Variants in ABCB10 observed in about 807,000 individuals in gnomAD.
ABCB10 encodes the protein ATP binding cassette subfamily B member 10, also known as ATP-binding cassette sub-family B member 10, mitochondrial.
In ABCB10, 54 loss-of-function variants were observed where a neutral mutation model predicts 65.4. The observed-to-expected ratio is 0.83, with a 90% CI of 0.66 to 1.04. ABCB10 has a LOEUF of 1.04. Ranked by LOEUF, ABCB10 falls within the 50% of genes least tolerant of loss-of-function variation. ABCB10 has a pLI of 0.00. For synonymous variants in ABCB10, 418 were observed against 406.5 expected (o/e 1.03, Z -0.34); for missense variants, 846 against 976.6 (o/e 0.87, Z 1.78).
chr1:229,520,854 T>A (rs1221316885), intron 11 of ABCB10, among the ~76,000 whole-genome samples: 1 of 152,084 alleles, frequency 6.6e-6, no homozygotes, highest in Non-Finnish European at 1.5e-5. Flanking sequence ...GAAAAGCAAA[T>A]CTAGACAGAC....
chr1:229,527,424 G>T, intron 8 of ABCB10, 116 bp from the exon 9 acceptor site: 1 of 892,410 alleles, frequency 1.1e-6, no homozygotes, highest in Non-Finnish European at 1.8e-6. Context: ...AAAATGTACT[G>T]AAAATCTCCA....
intron 10 of ABCB10, among the ~76,000 whole-genome samples, chr1:229,524,737 G>C (rs1662394069): frequency 6.6e-6 from 1 of 152,096 alleles, no homozygotes; most frequent in African/African-American, 2.4e-5. Context: ...CCTGAACCAT[G>C]GCATGTCTAT....
intron 1 of ABCB10, chr1:229,549,809 A>T: frequency 4.2e-6 from 1 of 237,578 alleles, no homozygotes; most frequent in Non-Finnish European, 8.4e-6. Context: ...TTCATGCTAT[A>T]CATGCTATAC....
Position 229,549,423 on chromosome 1 carries a change from A to G in ABCB10, c.529T>C (p.Phe177Leu), listed in dbSNP as rs1435030530. ...ERRRLAAAVGFLTMSSVISMS... is the reference protein window; with the variant it reads ...ERRRLAAAVGLLTMSSVISMS... ...GAGATAACACTGGACATCGTGAGAA[A>G]TCCAACCGCAGCTAGAAAACACAAG... is the stretch of plus-strand genomic sequence containing the variant. Residue 177 changes from phenylalanine (F) to leucine (L), a missense_variant, in exon 2 of 13, where the codon TTT becomes CTT. Phe to Leu is a conservative substitution (Grantham distance 22, BLOSUM62 0). This residue lies in a region of ABCB10 where 632 missense variants were observed against 803.2 expected (regional missense o/e 0.79). Coordinates refer to ENST00000344517, the MANE Select transcript of ABCB10 (RefSeq NM_012089.3). 1 of 1,613,662 alleles carries G rather than the reference A, an allele frequency of 6.2e-7. No individual in the cohort carries two copies.
At chr1:229,552,926 G>A (rs1466505594) in intron 1 of ABCB10, among the ~76,000 whole-genome samples, 3 of 152,198 alleles carry the variant, frequency 2.0e-5, no homozygotes, top group Non-Finnish European at 4.4e-5. Context: ...CAGAGGAAGA[G>A]GAAGCACAGG....
intron 10 of ABCB10, among the ~76,000 whole-genome samples, chr1:229,523,640 A>G (rs1662366920): frequency 6.6e-6 from 1 of 152,138 alleles, no homozygotes; most frequent in South Asian, 2.1e-4. Flanking sequence ...GTGTGGTGCC[A>G]ATCAGTACCC....
chr1:229,555,143 CA>C (rs1376998631), intron 1 of ABCB10, among the ~76,000 whole-genome samples: 1 of 152,170 alleles, frequency 6.6e-6, no homozygotes, highest in African/African-American at 2.4e-5. Context: ...GCCCCCCACA[CA>C]AAAAACCTCC....
At chr1:229,546,190 C>G (rs1320324421) in intron 3 of ABCB10, among the ~76,000 whole-genome samples, 5 of 148,912 alleles carry the variant, frequency 3.4e-5, no homozygotes, top group Non-Finnish European at 4.5e-5. Flanking sequence ...AAAAAAAAAG[C>G]TTTTATGATG....
chr1:229,546,997 C>T (rs2102705308), intron 3 of ABCB10, among the ~76,000 whole-genome samples: 1 of 152,312 alleles, frequency 6.6e-6, no homozygotes, highest in Middle Eastern at 3.4e-3. Context: ...CTCCAATGAC[C>T]TGCAGCACTG....
In ABCB10 at chr1:229,540,623, C is replaced by A. The variant is rs2102699094; in HGVS notation, c.1186G>T (p.Ala396Ser). Reference protein sequence around the residue: ...QLARKEAFARAGFFGATGLSG... With the variant: ...QLARKEAFARSGFFGATGLSG... Reference sequence around the variant, plus strand: ...CTACTTACTGCTCCAAAGAAACCAGCCCGGGCGAATGCCTCTTTCCTTGCT... The same window carrying A: ...CTACTTACTGCTCCAAAGAAACCAGACCGGGCGAATGCCTCTTTCCTTGCT... The change falls in exon 5 of 13, where the codon GCT becomes TCT. Residue 396 changes from alanine (A) to serine (S), a missense_variant. Ala to Ser is a moderately conservative substitution (Grantham distance 99, BLOSUM62 1). This residue lies in a region of ABCB10 where 632 missense variants were observed against 803.2 expected (regional missense o/e 0.79). Transcript: ENST00000344517. 1 of 1,611,510 alleles carries A rather than the reference C, an allele frequency of 6.2e-7. No individual in the cohort carries two copies. The highest frequency in any genetic ancestry group is 8.5e-7 in the Non-Finnish European group (1 of 1,179,838).
intron 4 of ABCB10, 32 bp downstream of exon 4, chr1:229,542,205 T>C: frequency 6.2e-7 from 1 of 1,609,922 alleles, no homozygotes; most frequent in African/African-American, 1.3e-5. Flanking sequence ...CCCATTCTGC[T>C]GGAAACCACG....
intron 10 of ABCB10, 55 bp downstream of exon 10, chr1:229,525,881 T>C: frequency 1.3e-6 from 2 of 1,532,134 alleles, no homozygotes; most frequent in Non-Finnish European, 1.8e-6. Flanking sequence ...ACAAGAAACA[T>C]GTGAAAAGTT....
In ABCB10 at chr1:229,547,731, A is replaced by G. The variant is rs1663003853; in HGVS notation, c.719-30T>C. 4 of 1,611,190 alleles carry G rather than the reference A, an allele frequency of 2.5e-6. No individual in the cohort carries two copies. In the East Asian group the frequency reaches 8.9e-5, roughly 36 times the overall value. Reference sequence around the variant, plus strand: ...AAAAGCAAACACGAACAGGCTCACCAAGGGTAAAGACATCCATTACCATTA... The same window carrying G: ...AAAAGCAAACACGAACAGGCTCACCGAGGGTAAAGACATCCATTACCATTA... On this transcript the variant is annotated intron_variant, in intron 2 of 12. Coordinates refer to ENST00000344517, the MANE Select transcript of ABCB10 (RefSeq NM_012089.3).
intron 8 of ABCB10, among the ~76,000 whole-genome samples, chr1:229,528,425 T>C (rs185769260): frequency 1.3e-5 from 2 of 151,070 alleles, no homozygotes; most frequent in Non-Finnish European, 1.5e-5. Context: ...TCTGCCTCCC[T>C]AAGAGCTGAG....
At chr1:229,534,288 T>C (rs1662652821) in intron 6 of ABCB10, among the ~76,000 whole-genome samples, 2 of 152,136 alleles carry the variant, frequency 1.3e-5, no homozygotes, top group South Asian at 4.1e-4. Context: ...CTGGGGTGGA[T>C]GTGGAGCAAC....
rs1158418837 is a variant in ABCB10, at chr1:229,558,396, A to C, written c.257T>G (p.Leu86Arg). The change falls in exon 1 of 13, where the codon CTC (leucine) becomes CGC (arginine). Residue 86 changes from leucine to arginine, a missense_variant. Physicochemically the swap from Leu to Arg is moderately radical, Grantham distance 102. This residue lies in a region of ABCB10 where 214 missense variants were observed against 173.5 expected (regional missense o/e 1.23). Coordinates refer to ENST00000344517, the MANE Select transcript of ABCB10 (RefSeq NM_012089.3). ...GPGASRGVLGLARLLGLWARG... is the reference protein window; with the variant it reads ...GPGASRGVLGRARLLGLWARG... ...AGCCCACAGCCCCAGGAGCCGCGCGAGGCCCAGGACGCCCCGCGAGGCGCC... is the reference window on the plus strand; with the variant it reads ...AGCCCACAGCCCCAGGAGCCGCGCGCGGCCCAGGACGCCCCGCGAGGCGCC... The C allele has an allele frequency of 8.1e-7, 1 of 1,234,764 alleles. No individual in the cohort carries two copies. The highest frequency in any genetic ancestry group is 4.2e-5 in the East Asian group (1 of 23,598). The allele number at this position is 1,234,764 out of a possible 1,614,324, so 76.5% of individuals were successfully genotyped here.
chr1:229,529,295 C>CAAA (rs59264291), intron 8 of ABCB10, among the ~76,000 whole-genome samples: 323 of 23,116 alleles, frequency 0.014, 75 homozygotes, highest in East Asian at 0.02. Context: ...GACTCCGTCT[C>CAAA]AAAAAAAAAA....
chr1:229,523,357 G>A (rs1384289079), intron 10 of ABCB10, among the ~76,000 whole-genome samples: 2 of 152,142 alleles, frequency 1.3e-5, no homozygotes, highest in Non-Finnish European at 2.9e-5. Flanking sequence ...TTCCATTTTT[G>A]GGGATAAAAA....
At chr1:229,548,002 CTTTT>C (rs398053891) in intron 2 of ABCB10, among the ~76,000 whole-genome samples, 8 of 141,388 alleles carry the variant, frequency 5.7e-5, no homozygotes, top group Non-Finnish European at 1.1e-4. Context: ...TTTATTTTTA[CTTTT>C]TTTTTTTTTT....
Sources: allele counts gnomAD v4.1 joint callset (sites outside exome capture counted in the v4.1 genomes callset), GRCh38; gene constraint gnomAD v4.1.1; regional missense constraint gnomAD v4.1.1; transcripts MANE v1.5; gene names NCBI Gene and HGNC (gene_info 2026-07-23, HGNC 2026-07-21).